The following NARS2 variants were observed in gnomAD, a reference collection of about 807,000 sequenced individuals.
NARS2 encodes asparaginyl-tRNA synthetase.
A neutral mutation model predicts 62.9 loss-of-function variants in NARS2; 60 were observed. The ratio of observed to expected loss-of-function variants is 0.95; its 90% CI spans 0.77 to 1.18. NARS2 has a LOEUF of 1.18. NARS2 is among the 50% of genes most tolerant of loss of function. The pLI, the probability that NARS2 is intolerant of heterozygous loss-of-function variation, is 0.00. For missense variants in NARS2, 619 were observed against 576.4 expected (o/e 1.07, Z -0.76); for synonymous variants, 196 against 200.0 (o/e 0.98, Z 0.17).
At chr11:78,562,979 C>G (rs1749805865) in intron 4 of NARS2, among the ~76,000 whole-genome samples, 1 of 151,950 alleles carries the variant, frequency 6.6e-6, no homozygotes, top group Admixed American at 6.6e-5. Flanking sequence ...TACTAGGTAA[C>G]ATATAACTAT....
chr11:78,511,693 G>C (rs1860727768), intron 6 of NARS2, among the ~76,000 whole-genome samples: 1 of 151,506 alleles, frequency 6.6e-6, no homozygotes, highest in Non-Finnish European at 1.5e-5. Flanking sequence ...CTCCAGCCTG[G>C]GTGACAGAGC....
At chr11:78,503,910 G>A (rs1296412893) in intron 6 of NARS2, among the ~76,000 whole-genome samples, 2 of 152,138 alleles carry the variant, frequency 1.3e-5, no homozygotes, top group East Asian at 1.9e-4. Flanking sequence ...TAGGCTGCAT[G>A]AATACTAAAA....
At chr11:78,481,677 A>G (rs558603778) in intron 7 of NARS2, among the ~76,000 whole-genome samples, 1 of 152,330 alleles carries the variant, frequency 6.6e-6, no homozygotes, top group African/African-American at 2.4e-5. Context: ...CAGATGTCTT[A>G]AAAATGTTAG....
At chr11:78,560,105 A>G (rs1856506805) in intron 4 of NARS2, among the ~76,000 whole-genome samples, 1 of 152,248 alleles carries the variant, frequency 6.6e-6, no homozygotes, top group African/African-American at 2.4e-5. Flanking sequence ...ATCTTGAAAT[A>G]TGACCTCAAT....
intron 11 of NARS2, among the ~76,000 whole-genome samples, chr11:78,454,511 A>G (rs749933964): frequency 1.8e-4 from 27 of 152,242 alleles, no homozygotes; most frequent in Non-Finnish European, 3.7e-4. Flanking sequence ...TGTCATGAGT[A>G]AAAGCTTCCT....
intron 11 of NARS2, among the ~76,000 whole-genome samples, chr11:78,460,343 G>A (rs186899323): frequency 2.6e-5 from 4 of 151,378 alleles, no homozygotes; most frequent in Admixed American, 2.6e-4. Context: ...CTGGGATCAA[G>A]TGATCTGTGC....
rs140547889 is a variant in NARS2, at chr11:78,469,764, C to CAGAG, written c.960-455_960-452dup. ...AATGTGCGTGCGCGCATGTGTGTGT[C>CAGAG]AGAGAGAGAGAGAGCGAGAGATGCA... On this transcript the variant is annotated intron_variant, in intron 9 of 13. Coordinates refer to ENST00000281038, the MANE Select transcript of NARS2 (RefSeq NM_024678.6). Among the ~76,000 whole-genome samples, 663 of 146,498 alleles carry CAGAG rather than the reference C, an allele frequency of 4.5e-3. 10 individuals are homozygous for CAGAG. Among genetic ancestry groups the CAGAG allele is most frequent in the Middle Eastern group, 0.024 (7 of 290 alleles).
chr11:78,463,420 T>C (rs572660606), intron 11 of NARS2, among the ~76,000 whole-genome samples: 1 of 152,214 alleles, frequency 6.6e-6, no homozygotes, highest in South Asian at 2.1e-4. Flanking sequence ...GTGCAGTGGC[T>C]CACGCCTGTA....
chr11:78,543,194 C>T (rs1855699298), intron 5 of NARS2, among the ~76,000 whole-genome samples: 1 of 152,054 alleles, frequency 6.6e-6, no homozygotes, highest in African/African-American at 2.4e-5. Context: ...AAAGAATAAG[C>T]CATTATAAAG....
chr11:78,482,717 C>T (rs760169352), intron 7 of NARS2, among the ~76,000 whole-genome samples: 2 of 152,096 alleles, frequency 1.3e-5, no homozygotes, highest in African/African-American at 2.4e-5. Context: ...CTGAATAGAC[C>T]AATAACAAGT....
chr11:78,559,438 G>A, intron 5 of NARS2, 101 bp downstream of exon 5: 2 of 778,106 alleles, frequency 2.6e-6, no homozygotes, highest in Non-Finnish European at 2.2e-6. Flanking sequence ...TTCAGGTGCT[G>A]CTCATAGTCT....
chr11:78,537,096 C>T (rs1170298258), intron 5 of NARS2, among the ~76,000 whole-genome samples: 1 of 152,000 alleles, frequency 6.6e-6, no homozygotes, highest in Admixed American at 6.6e-5. Context: ...TCTCGGTTTG[C>T]GTAAGTACAC....
In NARS2 at chr11:78,502,991, CA is replaced by C. The variant is rs550751384; in HGVS notation, c.690-9797del. 7.2e-3 allele frequency among the ~76,000 whole-genome samples: 598 copies of C among 82,926 alleles called. 12 individuals are homozygous for C. The highest frequency in any genetic ancestry group is 0.035 in the African/African-American group (546 of 15,792). The allele number at this position is 82,926 out of a possible 152,430, so 54.4% of individuals were successfully genotyped here. A position where few individuals can be genotyped will look rare whatever the true frequency, so the allele number is the denominator to read the frequency against. On this transcript the variant is annotated intron_variant, in intron 6 of 13. Coordinates refer to ENST00000281038, the MANE Select transcript of NARS2 (RefSeq NM_024678.6). ...CCTGGGTAACAGAGTGAGACTGTCT[CA>C]AAAAAAAAAAAAAAAAAAGGTTGAA...
At chr11:78,535,003 A>T (rs1006220354) in intron 5 of NARS2, among the ~76,000 whole-genome samples, 3 of 152,248 alleles carry the variant, frequency 2.0e-5, no homozygotes, top group African/African-American at 7.2e-5. Context: ...GTGGTACACA[A>T]GTAAACCTGT....
chr11:78,544,575 T>C (rs187683021), intron 5 of NARS2, among the ~76,000 whole-genome samples: 119 of 152,098 alleles, frequency 7.8e-4, no homozygotes, highest in South Asian at 1.5e-3. Flanking sequence ...GGCAGATCAC[T>C]TGAGGTCAGG....
intron 11 of NARS2, among the ~76,000 whole-genome samples, chr11:78,451,685 A>G (rs948850929): frequency 2.6e-5 from 4 of 152,258 alleles, no homozygotes; most frequent in Non-Finnish European, 5.9e-5. Flanking sequence ...AAAGTGCTAC[A>G]GCAGAGATTA....
chr11:78,452,343 G>A (rs755077544), intron 11 of NARS2, among the ~76,000 whole-genome samples: 5 of 151,838 alleles, frequency 3.3e-5, no homozygotes, highest in Non-Finnish European at 7.4e-5. Flanking sequence ...TCTTGACCTT[G>A]TGATCCACCT....
rs368347611 is a variant in NARS2, at chr11:78,538,823, G to T, written c.595-9887C>A. 5.3e-5 allele frequency among the ~76,000 whole-genome samples: 8 copies of T among 150,964 alleles called. No individual in the cohort carries two copies. In the East Asian group the frequency reaches 1.6e-3, roughly 30 times the overall value. On this transcript the variant is annotated intron_variant, in intron 5 of 13. Coordinates refer to ENST00000281038, the MANE Select transcript of NARS2 (RefSeq NM_024678.6). ...ATCCTGGCTAACACGGTGAAACCCC[G>T]TCTCTACTAAAAATACAAAAAATTA...
rs887759721 is a variant in NARS2 at position 78,574,662 on chromosome 11, C to G, written c.-174G>C. ...CCTTCAGGACTCCCAGCTCTGTCCC[C>G]ACAGAACCTCTCCGCTTCCCACTTC... On this transcript the variant is annotated 5_prime_UTR_variant, in exon 1 of 14. Coordinates refer to ENST00000281038, the MANE Select transcript of NARS2 (RefSeq NM_024678.6). 2 of 655,794 alleles carry G rather than the reference C, an allele frequency of 3.0e-6. No homozygotes were observed. Among genetic ancestry groups the G allele is most frequent in the Non-Finnish European group, 5.1e-6 (2 of 394,814 alleles). 40.6% of individuals were successfully genotyped at this position (655,794 alleles called of 1,614,324 possible).
Sources: allele counts gnomAD v4.1 joint callset (sites outside exome capture counted in the v4.1 genomes callset), GRCh38; gene constraint gnomAD v4.1.1; transcripts MANE v1.5; gene names NCBI Gene and HGNC (gene_info 2026-07-23, HGNC 2026-07-21).